The following ROBO2 variants were observed in gnomAD, a reference collection of about 807,000 sequenced individuals.
The protein encoded by ROBO2 is roundabout homolog 2.
A neutral mutation model predicts 160.8 loss-of-function variants in ROBO2; 53 were observed. That is an observed-to-expected ratio of 0.33 (90% CI 0.26 to 0.41). The LOEUF (loss-of-function observed/expected upper bound fraction) is 0.41. Among genes scored for constraint, ROBO2 ranks in the 10% least tolerant of loss-of-function variants. The pLI, the probability that ROBO2 is intolerant of heterozygous loss-of-function variation, is 1.00. For synonymous variants in ROBO2, 664 were observed against 611.7 expected, an observed-to-expected ratio of 1.09 and a Z score of -1.26; for missense variants, 1,577 against 1,722.4, an observed-to-expected ratio of 0.92 and a Z score of 1.49.
At chr3:76,227,031 C>T (rs942863395) in intron 2 of ROBO2, among the ~76,000 whole-genome samples, 1 of 152,186 alleles carries the variant, frequency 6.6e-6, no homozygotes, top group Non-Finnish European at 1.5e-5. Flanking sequence ...TTGGCATTCA[C>T]CAGCATTGCC....
chr3:76,347,063 A>T (rs1375566747), intron 2 of ROBO2, among the ~76,000 whole-genome samples: 1 of 152,308 alleles, frequency 6.6e-6, no homozygotes, highest in East Asian at 1.9e-4. Context: ...AATAAAAAAA[A>T]AATGGATTAT....
chr3:77,023,281 G>A (rs1050092010), intron 2 of ROBO2, among the ~76,000 whole-genome samples: 1 of 152,134 alleles, frequency 6.6e-6, no homozygotes, highest in Non-Finnish European at 1.5e-5. Context: ...CTCCCACCAT[G>A]ATTGTGAGGC....
chr3:76,054,558 A>G (rs1458082020), intron 2 of ROBO2, among the ~76,000 whole-genome samples: 1 of 152,110 alleles, frequency 6.6e-6, no homozygotes, highest in Non-Finnish European at 1.5e-5. Context: ...TTACATGCCT[A>G]TTGCATGTTG....
At chr3:76,746,400 A>G (rs548037955) in intron 2 of ROBO2, among the ~76,000 whole-genome samples, 1 of 152,020 alleles carries the variant, frequency 6.6e-6, no homozygotes, top group African/African-American at 2.4e-5. Flanking sequence ...GTCCCTGAGG[A>G]ATCTCCACAC....
chr3:76,663,004 G>A (rs2091889963), intron 2 of ROBO2, among the ~76,000 whole-genome samples: 1 of 152,196 alleles, frequency 6.6e-6, no homozygotes, highest in Non-Finnish European at 1.5e-5. Context: ...TAACACCCAT[G>A]GAGGTCTTAG....
intron 2 of ROBO2, among the ~76,000 whole-genome samples, chr3:76,056,192 G>A (rs1480212257): frequency 6.6e-6 from 1 of 152,124 alleles, no homozygotes; most frequent in East Asian, 1.9e-4. Flanking sequence ...AAAGTATACG[G>A]GAGGATGCGC....
At chr3:76,645,386 G>A (rs565405991) in intron 2 of ROBO2, among the ~76,000 whole-genome samples, 1 of 152,264 alleles carries the variant, frequency 6.6e-6, no homozygotes, top group East Asian at 1.9e-4. Flanking sequence ...TAAGTTCTTA[G>A]GCCCAGCTGA....
At chr3:77,544,443 T>C (rs1396962178) in intron 6 of ROBO2, among the ~76,000 whole-genome samples, 1 of 152,160 alleles carries the variant, frequency 6.6e-6, no homozygotes, top group African/African-American at 2.4e-5. Context: ...AAATGTCATT[T>C]AGTAGATTTA....
chr3:77,391,851 T>A (rs565995335), intron 2 of ROBO2, among the ~76,000 whole-genome samples: 1 of 152,134 alleles, frequency 6.6e-6, no homozygotes, highest in Non-Finnish European at 1.5e-5. Flanking sequence ...TGAGCCACCA[T>A]TCCTGGCCGA....
chr3:77,248,351 C>T (rs896441747), intron 2 of ROBO2, among the ~76,000 whole-genome samples: 1 of 152,076 alleles, frequency 6.6e-6, no homozygotes, highest in Non-Finnish European at 1.5e-5. Context: ...AACTGTCACA[C>T]TGACCCTCCG....
At chr3:77,083,433 T>C (rs1292094349) in intron 1 of ROBO2, among the ~76,000 whole-genome samples, 1 of 152,192 alleles carries the variant, frequency 6.6e-6, no homozygotes, top group African/African-American at 2.4e-5. Flanking sequence ...AGTTTGAGAT[T>C]TGCCTGGGCA....
chr3:76,188,497 C>T (rs1701864078), intron 2 of ROBO2, among the ~76,000 whole-genome samples: 1 of 152,012 alleles, frequency 6.6e-6, no homozygotes, highest in South Asian at 2.1e-4. Flanking sequence ...TACTCTCCCA[C>T]ACATGCTTGA....
rs75092783 is a variant in ROBO2, at chr3:77,591,002, A to G, written c.2683+2069A>G. Among the ~76,000 whole-genome samples the G allele has an allele frequency of 1.0e-2, 1,521 of 152,208 alleles. 12 individuals carry two copies. The highest frequency in any genetic ancestry group is 0.024 in the African/African-American group (984 of 41,534). On this transcript the variant is annotated intron_variant, in intron 17 of 25. Transcript: ENST00000461745. ...GCCAAGCCAGAGAGAAGCCTTTCAG[A>G]AGTTTTTTACTTAACTGATAGATGG...
In ROBO2 at chr3:76,866,779, G is replaced by C. The variant is rs140108530; in HGVS notation, c.110-231235G>C. ...AAACAAATGAAAAACGAGGATGACT[G>C]TTTATACATAATCAGGTTGAATAAG... On this transcript the variant is annotated intron_variant, in intron 2 of 26. Transcript: ENST00000487694. Among the ~76,000 whole-genome samples, 14 of 152,184 alleles carry C rather than the reference G, an allele frequency of 9.2e-5. No individual in the cohort carries two copies. The East Asian group carries it at 2.5e-3, about 27-fold the overall frequency.
chr3:77,333,561 A>C (rs1222633333), intron 2 of ROBO2, among the ~76,000 whole-genome samples: 1 of 152,236 alleles, frequency 6.6e-6, no homozygotes, highest in Non-Finnish European at 1.5e-5. Flanking sequence ...ATAATAAACA[A>C]TAAAAAGCCA....
At chr3:76,900,027 G>A (rs972747413) in intron 2 of ROBO2, among the ~76,000 whole-genome samples, 1 of 152,000 alleles carries the variant, frequency 6.6e-6, no homozygotes, top group Non-Finnish European at 1.5e-5. Flanking sequence ...ACAATTCCAC[G>A]TGGCTGGGGA....
intron 2 of ROBO2, among the ~76,000 whole-genome samples, chr3:76,616,699 C>T (rs1578568541): frequency 6.6e-6 from 1 of 152,194 alleles, no homozygotes; most frequent in East Asian, 1.9e-4. Context: ...ACATGTAAGA[C>T]ATATTGCCAA....
intron 2 of ROBO2, among the ~76,000 whole-genome samples, chr3:76,022,554 A>G (rs2066604769): frequency 1.3e-5 from 2 of 151,896 alleles, no homozygotes; most frequent in African/African-American, 4.8e-5. Context: ...ATCATTGTTC[A>G]TCTCCATCAG....
intron 2 of ROBO2, among the ~76,000 whole-genome samples, chr3:77,012,765 T>G (rs2061998333): frequency 6.6e-6 from 1 of 152,234 alleles, no homozygotes; most frequent in Admixed American, 6.5e-5. Context: ...TGAATTCAAA[T>G]GTCTGGGATT....
Sources: gnomAD v4.1 joint callset for allele counts (sites outside exome capture counted in the v4.1 genomes callset) on GRCh38, gnomAD v4.1.1 for gene constraint, MANE v1.5 for transcripts, NCBI Gene and HGNC (gene_info 2026-07-23, HGNC 2026-07-21) for gene names.